LRRC4B: variants seen among roughly 807,000 people sequenced by gnomAD.
The protein encoded by LRRC4B is leucine-rich repeat-containing protein 4B.
In LRRC4B, 1 loss-of-function variant was observed where a neutral mutation model predicts 7.3. The ratio of observed to expected loss-of-function variants is 0.14; its 90% CI spans 0.05 to 0.65. The LOEUF (loss-of-function observed/expected upper bound fraction) is 0.65. Ranked by LOEUF, LRRC4B falls within the 30% of genes least tolerant of loss-of-function variation. LRRC4B has a pLI of 0.84. For synonymous variants in LRRC4B, 500 were observed against 499.2 expected (o/e 1.00, Z -0.02); for missense variants, 730 against 1,041.6 (o/e 0.70, Z 4.12).
At chr19:50,551,987 C>T (rs941500331) in intron 1 of LRRC4B, among the ~76,000 whole-genome samples, 2 of 152,026 alleles carry the variant, frequency 1.3e-5, no homozygotes, top group Admixed American at 1.3e-4. Context: ...ATCAAAGGCT[C>T]CGTTATCTAA....
intron 2 of LRRC4B, among the ~76,000 whole-genome samples, chr19:50,531,180 C>T (rs1191598209): frequency 1.3e-5 from 2 of 152,236 alleles, no homozygotes; most frequent in Non-Finnish European, 2.9e-5. Flanking sequence ...GGAGCCTCTG[C>T]GGCACCCCAG....
At position 50,548,605 on chromosome 19, in the gene LRRC4B, G is replaced by C; in HGVS notation, c.234C>G (p.Ala78=). Residue 78 remains alanine, a synonymous_variant, in exon 2 of 3, where the codon GCC becomes GCG. Transcript: ENST00000652263. The surrounding 1 kb of genome is among the most constrained non-coding windows in gnomAD (Gnocchi z 6.8). ...SRVICTRRDL[A]EVPASIPVNT... ...TGACCGGGATGCTGGCTGGGACCTC[G>C]GCCAGGTCTCTCCGTGTGCAGATCA... 2.5e-6 allele frequency: 4 copies of C among 1,601,468 alleles called. No individual in the cohort carries two copies. The highest frequency in any genetic ancestry group is 3.4e-6 in the Non-Finnish European group (4 of 1,176,938).
intron 1 of LRRC4B, among the ~76,000 whole-genome samples, chr19:50,564,716 G>A (rs892180328): frequency 6.6e-6 from 1 of 152,062 alleles, no homozygotes; most frequent in Non-Finnish European, 1.5e-5. Flanking sequence ...AGAGAGTGGG[G>A]TGAGAAGGGA....
At chr19:50,562,002 C>CAGG (rs1982481246) in intron 1 of LRRC4B, among the ~76,000 whole-genome samples, 1 of 122,680 alleles carries the variant, frequency 8.2e-6, no homozygotes, top group Non-Finnish European at 2.0e-5. Context: ...CCTGTAGTCT[C>CAGG]AGCTACTCAG....
intron 2 of LRRC4B, among the ~76,000 whole-genome samples, chr19:50,536,488 G>T (rs1270490763): frequency 6.6e-6 from 1 of 152,142 alleles, no homozygotes; most frequent in Non-Finnish European, 1.5e-5. Context: ...GAGAGGGCAG[G>T]GATCTCTGTA....
intron 1 of LRRC4B, among the ~76,000 whole-genome samples, chr19:50,561,499 C>A (rs999971812): frequency 6.7e-6 from 1 of 149,774 alleles, no homozygotes; most frequent in Admixed American, 6.6e-5. Context: ...TTTGGGAGGC[C>A]AAGGCAAGAG....
At chr19:50,561,396 G>A (rs1184324526) in intron 1 of LRRC4B, among the ~76,000 whole-genome samples, 2 of 152,112 alleles carry the variant, frequency 1.3e-5, no homozygotes, top group East Asian at 1.9e-4. Flanking sequence ...AAACAAGATT[G>A]AGAACCTGAC....
In LRRC4B at chr19:50,537,831, T is replaced by A. The variant is rs936965254; in HGVS notation, c.297+10711A>T. 6.6e-6 allele frequency among the ~76,000 whole-genome samples: 1 copy of A among 151,862 alleles called. No homozygotes were observed. The highest frequency in any genetic ancestry group is 2.4e-5 in the African/African-American group (1 of 41,326). On this transcript the variant is annotated intron_variant, in intron 2 of 2. Transcript: ENST00000652263. This position sits in a 1 kb window ranked among gnomAD's most constrained non-coding sequence, Gnocchi z 5.5. ...CCCCGAGATGGCGCTGCTGAGGGAA[T>A]GAAGAGGATAACTCAGCTGGAATGA...
intron 2 of LRRC4B, among the ~76,000 whole-genome samples, chr19:50,522,633 C>A (rs994221140): frequency 1.3e-5 from 2 of 149,846 alleles, no homozygotes; most frequent in African/African-American, 4.9e-5. Context: ...CGCATCAACA[C>A]GCTTGGCTAA....
At chr19:50,562,237 G>A (rs1286231920) in intron 1 of LRRC4B, among the ~76,000 whole-genome samples, 5 of 152,068 alleles carry the variant, frequency 3.3e-5, no homozygotes, top group Non-Finnish European at 7.4e-5. Flanking sequence ...GAGGCGACCT[G>A]CAGGGCGGCC....
chr19:50,525,024 C>T (rs1051794169), intron 2 of LRRC4B, among the ~76,000 whole-genome samples: 3 of 152,234 alleles, frequency 2.0e-5, no homozygotes, highest in East Asian at 1.9e-4. Context: ...CAGGGCTGGC[C>T]GGAGCCTGCG....
intron 2 of LRRC4B, among the ~76,000 whole-genome samples, chr19:50,543,107 TC>T (rs1203585345): frequency 1.8e-4 from 27 of 151,604 alleles, no homozygotes; most frequent in Admixed American, 1.8e-3. Context: ...GGGCAGGAGT[TC>T]GGGAGCTGGC....
chr19:50,551,310 G>T (rs552285175), intron 1 of LRRC4B, among the ~76,000 whole-genome samples: 4 of 149,002 alleles, frequency 2.7e-5, no homozygotes, highest in Non-Finnish European at 4.5e-5. Flanking sequence ...AGATCGTGCT[G>T]GGGGGGGCGC....
chr19:50,558,875 A>C (rs1982369605), intron 1 of LRRC4B, among the ~76,000 whole-genome samples: 1 of 152,192 alleles, frequency 6.6e-6, no homozygotes, highest in Admixed American at 6.5e-5. Context: ...GAAGCCAGGG[A>C]GATCACAGCT....
intron 2 of LRRC4B, among the ~76,000 whole-genome samples, chr19:50,535,154 C>T (rs879714227): frequency 1.6e-4 from 25 of 151,956 alleles, no homozygotes; most frequent in Admixed American, 1.5e-3. Flanking sequence ...AGGCGTGACC[C>T]ACCACGCCCG....
At chr19:50,531,300 G>A (rs917084074) in intron 2 of LRRC4B, among the ~76,000 whole-genome samples, 24 of 152,226 alleles carry the variant, frequency 1.6e-4, no homozygotes, top group African/African-American at 4.1e-4. Flanking sequence ...TGCCGGTCCC[G>A]GGGAGCGTGC....
chr19:50,525,831 C>G (rs1980787630), intron 2 of LRRC4B, among the ~76,000 whole-genome samples: 1 of 152,118 alleles, frequency 6.6e-6, no homozygotes, highest in Non-Finnish European at 1.5e-5. Flanking sequence ...ATGGCCCCAG[C>G]TGCACCTCAG....
chr19:50,527,627 C>T (rs1053305605), intron 2 of LRRC4B, among the ~76,000 whole-genome samples: 21 of 152,118 alleles, frequency 1.4e-4, no homozygotes, highest in African/African-American at 4.3e-4. Flanking sequence ...TACTGGCCCA[C>T]GGCTATACCT....
At chr19:50,554,947 G>T (rs980003833) in intron 1 of LRRC4B, among the ~76,000 whole-genome samples, 3 of 152,140 alleles carry the variant, frequency 2.0e-5, no homozygotes, top group Non-Finnish European at 4.4e-5. Context: ...GCCTGTGTGT[G>T]GGGGGCAGGG....
Sources: gnomAD v4.1 joint callset for allele counts (sites outside exome capture counted in the v4.1 genomes callset) on GRCh38, gnomAD v4.1.1 for gene constraint, Gnocchi (gnomAD v3.1) non-coding constraint, MANE v1.5 for transcripts, NCBI Gene and HGNC (gene_info 2026-07-23, HGNC 2026-07-21) for gene names.